The following PBX3 variants were observed in gnomAD, a reference collection of about 807,000 sequenced individuals.
The protein encoded by PBX3 is pre-B-cell leukemia transcription factor 3.
Under a neutral mutation model 48.5 loss-of-function variants are expected in PBX3, and 14 were observed. The observed-to-expected ratio is 0.29, with a 90% CI of 0.19 to 0.45. PBX3 has a LOEUF of 0.45. Ranked by LOEUF, PBX3 falls within the 20% of genes least tolerant of loss-of-function variation. The pLI, the probability that PBX3 is intolerant of heterozygous loss-of-function variation, is 1.00. For synonymous variants in PBX3, 210 were observed against 200.3 expected, an observed-to-expected ratio of 1.05 and a Z score of -0.41; for missense variants, 386 against 546.7, an observed-to-expected ratio of 0.71 and a Z score of 2.93.
At chr9:125,924,092 A>G (rs1454884629) in intron 3 of PBX3, among the ~76,000 whole-genome samples, 1 of 151,060 alleles carries the variant, frequency 6.6e-6, no homozygotes, top group African/African-American at 2.4e-5. Flanking sequence ...CTGGTCTTGA[A>G]CTCCTGGGCT....
intron 2 of PBX3, among the ~76,000 whole-genome samples, chr9:125,878,402 G>T (rs887436700): frequency 6.6e-6 from 1 of 152,158 alleles, no homozygotes; most frequent in Admixed American, 6.5e-5. Flanking sequence ...TCCATATAAG[G>T]GTCAGTATGC....
intron 2 of PBX3, among the ~76,000 whole-genome samples, chr9:125,882,724 G>T (rs1840410584): frequency 6.6e-6 from 1 of 152,174 alleles, no homozygotes. Context: ...TCTTCATTTT[G>T]GATAGCCAAT....
chr9:125,844,694 G>A (rs995258033), intron 2 of PBX3: 1 of 152,104 alleles, frequency 6.6e-6, no homozygotes, highest in Non-Finnish European at 1.5e-5. Flanking sequence ...TACCTTAATT[G>A]CTGAGTGTAA....
rs145687528 is a variant in PBX3 at position 125,915,818 on chromosome 9, C to T, written c.407C>T (p.Ala136Val). ...GGATCGGCGGCAGCAGCTGCAGCCGCGGCAGCCTCTGGAGGTTCTTCAGAT... is the reference window on the plus strand; with the variant it reads ...GGATCGGCGGCAGCAGCTGCAGCCGTGGCAGCCTCTGGAGGTTCTTCAGAT... ...GGGSAAAAAA[A>V]AASGGSSDNS... The change falls in exon 3 of 9, where the codon GCG (alanine) becomes GTG (valine). Residue 136 changes from alanine (A) to valine (V), a missense_variant. Physicochemically the swap from Ala to Val is moderately conservative, Grantham distance 64. This residue lies in a region of PBX3 where 69 missense variants were observed against 99.1 expected (regional missense o/e 0.70). Transcript: ENST00000373489. 8.4e-3 allele frequency: 13,502 copies of T among 1,613,934 alleles called. 89 individuals carry two copies. Among genetic ancestry groups the T allele is most frequent in the Middle Eastern group, 0.014 (83 of 6,058 alleles).
chr9:125,748,681 C>T (rs1009854634), intron 2 of PBX3, 58 bp downstream of exon 2: 6 of 1,281,798 alleles, frequency 4.7e-6, no homozygotes, highest in Middle Eastern at 4.0e-4. Context: ...GTCGGAGCTA[C>T]TCCTTCGACT....
chr9:125,845,857 T>C (rs1317342535), intron 2 of PBX3, among the ~76,000 whole-genome samples: 1 of 152,104 alleles, frequency 6.6e-6, no homozygotes, highest in Non-Finnish European at 1.5e-5. Flanking sequence ...AAAAGACAAA[T>C]GTTGAAATAA....
At chr9:125,896,329 C>T (rs1840767104) in intron 2 of PBX3, among the ~76,000 whole-genome samples, 1 of 151,956 alleles carries the variant, frequency 6.6e-6, no homozygotes, top group Non-Finnish European at 1.5e-5. Flanking sequence ...AGGGAAAGTT[C>T]TTGCACATTT....
At chr9:125,765,576 C>G (rs139799531) in intron 2 of PBX3, among the ~76,000 whole-genome samples, 25 of 152,290 alleles carry the variant, frequency 1.6e-4, no homozygotes, top group African/African-American at 6.0e-4. Context: ...AGCACAAATA[C>G]TACCTGTTTT....
chr9:125,913,173 CT>C (rs749525018), intron 2 of PBX3, among the ~76,000 whole-genome samples: 1 of 151,958 alleles, frequency 6.6e-6, no homozygotes, highest in Non-Finnish European at 1.5e-5. Flanking sequence ...TTGCAAAGTA[CT>C]TTAGTACTTT....
chr9:125,914,030 A>G (rs200729716), intron 2 of PBX3, among the ~76,000 whole-genome samples: 1 of 152,238 alleles, frequency 6.6e-6, no homozygotes. Context: ...GTGAATTAAA[A>G]GAGAGGAAAA....
chr9:125,946,798 A>G (rs1842074078), intron 5 of PBX3, among the ~76,000 whole-genome samples: 1 of 152,190 alleles, frequency 6.6e-6, no homozygotes, highest in South Asian at 2.1e-4. Flanking sequence ...CAGAAGCAGT[A>G]TTTTAAATGT....
intron 2 of PBX3, among the ~76,000 whole-genome samples, chr9:125,764,328 T>A (rs1373417161): frequency 2.6e-5 from 4 of 152,266 alleles, no homozygotes; most frequent in Non-Finnish European, 4.4e-5. Flanking sequence ...GAATTCTTCA[T>A]CTGTGGAGAA....
intron 2 of PBX3, among the ~76,000 whole-genome samples, chr9:125,827,275 A>G (rs1838834831): frequency 6.6e-6 from 1 of 152,190 alleles, no homozygotes; most frequent in South Asian, 2.1e-4. Context: ...AAATATTTCA[A>G]ACACATAGCC....
chr9:125,920,647 A>G (rs997358517), intron 3 of PBX3, among the ~76,000 whole-genome samples: 3 of 152,220 alleles, frequency 2.0e-5, no homozygotes, highest in Non-Finnish European at 2.9e-5. Context: ...GCTATCTACT[A>G]TAATTATATT....
At chr9:125,943,597 G>T (rs528395204) in intron 5 of PBX3, among the ~76,000 whole-genome samples, 1 of 151,772 alleles carries the variant, frequency 6.6e-6, no homozygotes, top group Non-Finnish European at 1.5e-5. Flanking sequence ...TAACCTTTCC[G>T]CTGCCTTGCT....
intron 2 of PBX3, among the ~76,000 whole-genome samples, chr9:125,870,132 G>A (rs1200224918): frequency 1.3e-5 from 2 of 149,796 alleles, no homozygotes; most frequent in Admixed American, 6.7e-5. Context: ...ACAGTAGCAC[G>A]ATCTCAGCTC....
chr9:125,753,581 T>G (rs1836431856), intron 2 of PBX3, among the ~76,000 whole-genome samples: 1 of 152,136 alleles, frequency 6.6e-6, no homozygotes, highest in Non-Finnish European at 1.5e-5. Context: ...AACTCTCTTG[T>G]CAATACTAAC....
intron 2 of PBX3, among the ~76,000 whole-genome samples, chr9:125,838,349 G>A (rs981060314): frequency 2.0e-5 from 3 of 152,286 alleles, no homozygotes; most frequent in Admixed American, 6.5e-5. Flanking sequence ...TGCACCTGGC[G>A]TCTTCTAAGT....
intron 1 of PBX3, among the ~76,000 whole-genome samples, chr9:125,747,893 C>T (rs980440145): frequency 1.3e-5 from 2 of 151,780 alleles, no homozygotes; most frequent in Non-Finnish European, 2.9e-5. Flanking sequence ...GATTCCGTGG[C>T]GTCCTTTCCC....
Sources: gnomAD v4.1 joint callset for allele counts (sites outside exome capture counted in the v4.1 genomes callset) on GRCh38, gnomAD v4.1.1 for gene constraint, gnomAD v4.1.1 regional missense constraint, MANE v1.5 for transcripts, NCBI Gene and HGNC (gene_info 2026-07-23, HGNC 2026-07-21) for gene names.